MYO16: variants seen among roughly 807,000 people sequenced by gnomAD.
The protein encoded by MYO16 is unconventional myosin-XVI.
In MYO16, 94 loss-of-function variants were observed where a neutral mutation model predicts 205.3. The ratio of observed to expected loss-of-function variants is 0.46; its 90% CI spans 0.39 to 0.54. The LOEUF (loss-of-function observed/expected upper bound fraction) is 0.54. Ranked by LOEUF, MYO16 falls within the 20% of genes least tolerant of loss-of-function variation. The pLI is 0.00. For synonymous variants in MYO16, 988 were observed against 954.0 expected (o/e 1.04, Z -0.66); for missense variants, 2,315 against 2,387.5 (o/e 0.97, Z 0.63).
chr13:109,188,955 G>A (rs1048785500), intron 34 of MYO16, among the ~76,000 whole-genome samples: 12 of 152,186 alleles, frequency 7.9e-5, no homozygotes, highest in East Asian at 5.8e-4. Context: ...TTAGCTGGGC[G>A]TGGTGGTGCA....
At chr13:108,879,417 G>A (rs1879492443) in intron 12 of MYO16, among the ~76,000 whole-genome samples, 1 of 151,936 alleles carries the variant, frequency 6.6e-6, no homozygotes, top group African/African-American at 2.4e-5. Context: ...CAATGTGCAG[G>A]TTTATTACAT....
chr13:109,136,179 C>T (rs1876767466), intron 31 of MYO16, among the ~76,000 whole-genome samples: 1 of 151,826 alleles, frequency 6.6e-6, no homozygotes, highest in African/African-American at 2.4e-5. Context: ...CCGCAACCTC[C>T]ACCTCCCAGG....
At position 108,713,501 on chromosome 13, in the gene MYO16, G is replaced by A. The variant is rs564585363; in HGVS notation, c.363+770G>A. On this transcript the variant is annotated intron_variant, in intron 3 of 34. Transcript: ENST00000457511. ...AATTTTCAACCTTGATTGCACCTGGGGATCATGTGGGTGTTATTAAAATAC... is the reference window on the plus strand; with the variant it reads ...AATTTTCAACCTTGATTGCACCTGGAGATCATGTGGGTGTTATTAAAATAC... 3.3e-5 allele frequency among the ~76,000 whole-genome samples: 5 copies of A among 152,232 alleles called. No homozygotes were observed. The East Asian group carries it at 9.6e-4, about 29-fold the overall frequency.
the MYO16 span, among the ~76,000 whole-genome samples, chr13:108,497,767 G>T: frequency 6.6e-5 from 10 of 152,150 alleles, no homozygotes; most frequent in African/African-American, 2.4e-4. Context: ...GCCTGAGAAT[G>T]CTTGAAGATA....
At chr13:109,194,271 T>C (rs970816879) in intron 34 of MYO16, among the ~76,000 whole-genome samples, 7 of 152,180 alleles carry the variant, frequency 4.6e-5, no homozygotes, top group African/African-American at 1.7e-4. Context: ...TATTAATTGA[T>C]TGACACGGAA....
intron 16 of MYO16, among the ~76,000 whole-genome samples, chr13:108,913,438 G>A (rs899326721): frequency 3.3e-5 from 5 of 152,078 alleles, no homozygotes; most frequent in Admixed American, 3.3e-4. Context: ...ATGTCGGTTG[G>A]GTTTGAGAAG....
At chr13:108,724,244 G>A (rs1267273054) in intron 3 of MYO16, among the ~76,000 whole-genome samples, 2 of 152,084 alleles carry the variant, frequency 1.3e-5, no homozygotes, top group Non-Finnish European at 2.9e-5. Context: ...CATGTCATAT[G>A]CGAATAATGG....
At chr13:108,842,122 A>G (rs1307164378) in intron 9 of MYO16, among the ~76,000 whole-genome samples, 1 of 152,102 alleles carries the variant, frequency 6.6e-6, no homozygotes, top group East Asian at 1.9e-4. Context: ...CTCAAAAAAA[A>G]TCAAGAAGCT....
chr13:108,541,567 A>G, the MYO16 span, among the ~76,000 whole-genome samples: 1 of 152,002 alleles, frequency 6.6e-6, no homozygotes, highest in Non-Finnish European at 1.5e-5. Flanking sequence ...ATTTCTTTTC[A>G]TCTTTCTTTT....
At chr13:108,985,355 T>C (rs1884590997) in intron 20 of MYO16, among the ~76,000 whole-genome samples, 2 of 152,206 alleles carry the variant, frequency 1.3e-5, no homozygotes, top group African/African-American at 4.8e-5. Context: ...TCCCTCTAGT[T>C]TGTCTCGCTG....
Position 108,961,565 on chromosome 13 carries a change from A to G in MYO16, c.2064A>G (p.Leu688=), listed in dbSNP as rs1883581894. 1 of 1,613,910 alleles carries G rather than the reference A, an allele frequency of 6.2e-7. No individual in the cohort carries two copies. The highest frequency in any genetic ancestry group is 8.5e-7 in the Non-Finnish European group (1 of 1,179,908). The change falls in exon 18 of 35, where the codon CTA becomes CTG. Residue 688 remains leucine (L), a synonymous_variant. Transcript: ENST00000457511. ...SLEVENLFVI[L]AAILHLGDIR... is the part of the protein sequence containing the mutation. ...AGGTGGAGAATCTGTTCGTAATTCT[A>G]GCAGCAATATTGCACCTTGGAGACA... is the stretch of plus-strand genomic sequence containing the variant.
upstream of MYO16, among the ~76,000 whole-genome samples, chr13:108,625,315 C>T (rs758010778): frequency 4.1e-4 from 62 of 152,142 alleles, no homozygotes; most frequent in Non-Finnish European, 1.5e-4. Context: ...AGACTGAGAT[C>T]AGGGACTTTA....
At chr13:108,868,335 T>C (rs1328961810) in intron 12 of MYO16, among the ~76,000 whole-genome samples, 2 of 152,220 alleles carry the variant, frequency 1.3e-5, no homozygotes, top group Non-Finnish European at 1.5e-5. Flanking sequence ...TGGGTATATA[T>C]AGTGGAATCT....
At chr13:108,986,609 C>T (rs575543223) in intron 20 of MYO16, among the ~76,000 whole-genome samples, 18 of 107,548 alleles carry the variant, frequency 1.7e-4, no homozygotes, top group South Asian at 3.0e-4. Flanking sequence ...GCAACAAGAG[C>T]GAAACTCCGT....
Position 109,022,217 on chromosome 13 carries a change from T to A in MYO16, c.2796+2306T>A, listed in dbSNP as rs1431824125. 1.2e-4 allele frequency among the ~76,000 whole-genome samples: 17 copies of A among 136,620 alleles called. 1 individual carries two copies. Among genetic ancestry groups the A allele is most frequent in the Non-Finnish European group, 2.1e-4 (14 of 65,524 alleles). 89.6% of individuals were successfully genotyped at this position (136,620 alleles called of 152,430 possible). On this transcript the variant is annotated intron_variant, in intron 23 of 34. Transcript: ENST00000457511. ...TTATAATGTATTTATAATTTTTATA[T>A]TTATATATTATATATATGTATATAT...
intron 11 of MYO16, among the ~76,000 whole-genome samples, chr13:108,864,956 C>T (rs1878633198): frequency 6.6e-6 from 1 of 152,090 alleles, no homozygotes; most frequent in African/African-American, 2.4e-5. Context: ...AAACTCTACT[C>T]TCTTAGCTAA....
At chr13:108,586,693 C>T in the MYO16 span, among the ~76,000 whole-genome samples, 1 of 152,066 alleles carries the variant, frequency 6.6e-6, no homozygotes, top group Non-Finnish European at 1.5e-5. Flanking sequence ...AAAGCAACTG[C>T]CAAATTCAGG....
At chr13:109,101,617 A>G (rs1888970892) in intron 28 of MYO16, 1 of 152,214 alleles carries the variant, frequency 6.6e-6, no homozygotes, top group South Asian at 2.1e-4. Context: ...GACTCATTTT[A>G]GGAAGTAGAG....
chr13:108,823,822 A>G (rs570907382), intron 9 of MYO16, among the ~76,000 whole-genome samples: 12 of 152,254 alleles, frequency 7.9e-5, no homozygotes, highest in South Asian at 4.1e-4. Context: ...TTACTGAAGA[A>G]TAAGTGTTCA....
Sources: allele counts gnomAD v4.1 joint callset (sites outside exome capture counted in the v4.1 genomes callset), GRCh38; gene constraint gnomAD v4.1.1; transcripts MANE v1.5; gene names NCBI Gene and HGNC (gene_info 2026-07-23, HGNC 2026-07-21).